The following RGS7 variants were observed in gnomAD, a reference collection of about 807,000 sequenced individuals.
The protein encoded by RGS7 is regulator of G-protein signaling 7.
A neutral mutation model predicts 81.1 loss-of-function variants in RGS7; 27 were observed. The ratio of observed to expected loss-of-function variants is 0.33; its 90% CI spans 0.25 to 0.46. The LOEUF (loss-of-function observed/expected upper bound fraction) is 0.46, where lower values mean the gene tolerates loss of function less well. Among genes scored for constraint, RGS7 ranks in the 20% least tolerant of loss-of-function variants. RGS7 has a pLI of 1.00. For synonymous variants in RGS7, 208 were observed against 207.7 expected (o/e 1.00, Z -0.01); for missense variants, 396 against 607.4 (o/e 0.65, Z 3.66).
intron 17 of RGS7, 85 bp downstream of exon 17, chr1:240,801,370 G>A: frequency 1.2e-6 from 1 of 824,102 alleles, no homozygotes; most frequent in South Asian, 1.4e-5. Context: ...AAGAATGCAA[G>A]GTGGGTAACA....
At chr1:240,781,947 G>A (rs1343513160) in intron 18 of RGS7, among the ~76,000 whole-genome samples, 2 of 152,122 alleles carry the variant, frequency 1.3e-5, no homozygotes, top group African/African-American at 4.8e-5. Flanking sequence ...CCTGGGAGGA[G>A]GAGGTTGCAG....
At chr1:241,141,645 A>G (rs753935093) in intron 2 of RGS7, among the ~76,000 whole-genome samples, 2 of 152,176 alleles carry the variant, frequency 1.3e-5, no homozygotes, top group African/African-American at 2.4e-5. Flanking sequence ...TATCACAAGA[A>G]CAGCATGGGG....
At chr1:241,339,367 G>T (rs11804421) in intron 2 of RGS7, among the ~76,000 whole-genome samples, 1,616 of 152,248 alleles carry the variant, frequency 0.011, 35 homozygotes, top group African/African-American at 0.037. Flanking sequence ...ATAAATGTTT[G>T]CTACATTAAA....
intron 6 of RGS7, among the ~76,000 whole-genome samples, chr1:240,909,428 T>C (rs1671362341): frequency 6.6e-6 from 1 of 152,200 alleles, no homozygotes; most frequent in African/African-American, 2.4e-5. Flanking sequence ...ATTTTGCCTA[T>C]ATAGTGTCAC....
intron 2 of RGS7, among the ~76,000 whole-genome samples, chr1:241,134,648 A>C (rs1437517891): frequency 6.6e-6 from 1 of 152,236 alleles, no homozygotes; most frequent in Admixed American, 6.5e-5. Flanking sequence ...CACGAGGGAA[A>C]GTGCCCTACT....
chr1:241,090,414 A>G (rs560640481), intron 3 of RGS7, among the ~76,000 whole-genome samples: 2 of 152,306 alleles, frequency 1.3e-5, no homozygotes, highest in Admixed American at 1.3e-4. Context: ...CATCTTGGAC[A>G]TGTGCAGTTT....
intron 4 of RGS7, among the ~76,000 whole-genome samples, chr1:240,970,786 A>G (rs530408095): frequency 2.9e-4 from 44 of 152,252 alleles, no homozygotes; most frequent in Non-Finnish European, 3.2e-4. Context: ...GGAGTTCAAG[A>G]CCAGCCTGGC....
At chr1:241,291,467 A>G (rs928238676) in intron 2 of RGS7, among the ~76,000 whole-genome samples, 1 of 150,564 alleles carries the variant, frequency 6.6e-6, no homozygotes, top group African/African-American at 2.4e-5. Context: ...AAAACAGTAT[A>G]TTGTCCAGAT....
intron 2 of RGS7, among the ~76,000 whole-genome samples, chr1:241,169,490 C>G (rs930356987): frequency 3.0e-4 from 45 of 151,206 alleles, no homozygotes; most frequent in African/African-American, 1.0e-3. Context: ...TTACAGGCAC[C>G]CACCACCACA....
intron 9 of RGS7, among the ~76,000 whole-genome samples, chr1:240,853,349 A>G (rs1312257380): frequency 6.6e-6 from 1 of 152,234 alleles, no homozygotes; most frequent in Non-Finnish European, 1.5e-5. Context: ...TGAAATAATT[A>G]TAGCAAAAAT....
chr1:240,881,012 T>A (rs1336795151), intron 6 of RGS7, among the ~76,000 whole-genome samples: 3 of 152,236 alleles, frequency 2.0e-5, no homozygotes, highest in African/African-American at 7.2e-5. Flanking sequence ...CTCAAATATA[T>A]TTTGTAATTA....
chr1:241,055,452 A>G (rs1401285005), intron 3 of RGS7, among the ~76,000 whole-genome samples: 1 of 152,220 alleles, frequency 6.6e-6, no homozygotes, highest in Non-Finnish European at 1.5e-5. Flanking sequence ...ATTACAAAGG[A>G]TACAGATGAA....
chr1:240,973,785 G>A (rs1280046198), intron 4 of RGS7, among the ~76,000 whole-genome samples: 1 of 151,896 alleles, frequency 6.6e-6, no homozygotes, highest in Non-Finnish European at 1.5e-5. Context: ...GTAGAGACGG[G>A]GTTTCACCGT....
chr1:241,101,643 A>G (rs1228430954), intron 2 of RGS7, among the ~76,000 whole-genome samples: 2 of 152,250 alleles, frequency 1.3e-5, no homozygotes, highest in Admixed American at 6.5e-5. Flanking sequence ...GTATAGAAAC[A>G]TGAAAATAGA....
chr1:240,854,429 A>C (rs951202851), intron 9 of RGS7, among the ~76,000 whole-genome samples: 1 of 152,196 alleles, frequency 6.6e-6, no homozygotes, highest in Non-Finnish European at 1.5e-5. Flanking sequence ...CTGGAATATG[A>C]TGCTCTCAAA....
intron 2 of RGS7, among the ~76,000 whole-genome samples, chr1:241,221,039 A>AAGGAAGGAAGGAAGGAAAAG (rs1553289605): frequency 1.2e-4 from 11 of 92,696 alleles, no homozygotes; most frequent in African/African-American, 4.4e-4. Flanking sequence ...GGAAGGAAGG[A>AAGGAAGGAAGGAAGGAAAAG]AAAGAAAGAA....
At chr1:241,218,502 T>C (rs988544427) in intron 2 of RGS7, among the ~76,000 whole-genome samples, 1 of 152,196 alleles carries the variant, frequency 6.6e-6, no homozygotes, top group Non-Finnish European at 1.5e-5. Flanking sequence ...TCGGGTTCAC[T>C]CGGAGAAATG....
chr1:240,998,668 A>C (rs1687669518), intron 3 of RGS7: 11 of 1,144,406 alleles, frequency 9.6e-6, no homozygotes, highest in Middle Eastern at 3.0e-4. Context: ...AAGCCAGGCC[A>C]AAAGGGTTCA....
At chr1:241,265,631 A>T (rs1388611424) in intron 2 of RGS7, among the ~76,000 whole-genome samples, 1 of 152,190 alleles carries the variant, frequency 6.6e-6, no homozygotes. Flanking sequence ...CCAATTATCC[A>T]GACAAAGACT....
Sources: allele counts gnomAD v4.1 joint callset (sites outside exome capture counted in the v4.1 genomes callset), GRCh38; gene constraint gnomAD v4.1.1; transcripts MANE v1.5; gene names NCBI Gene and HGNC (gene_info 2026-07-23, HGNC 2026-07-21).